CAP2: variants seen among roughly 807,000 people sequenced by gnomAD.
CAP2 encodes adenylyl cyclase-associated protein 2.
A neutral mutation model predicts 57.7 loss-of-function variants in CAP2; 24 were observed. The observed-to-expected ratio is 0.42, with a 90% CI of 0.30 to 0.58. CAP2 has a LOEUF of 0.58. Among genes scored for constraint, CAP2 ranks in the 20% least tolerant of loss-of-function variants. The probability of loss-of-function intolerance (pLI) is 0.22; values close to 1 mark genes in which losing one functional copy is unlikely to be tolerated. For synonymous variants in CAP2, 194 were observed against 207.2 expected, an observed-to-expected ratio of 0.94 and a Z score of 0.55; for missense variants, 501 against 590.3, an observed-to-expected ratio of 0.85 and a Z score of 1.57.
intron 1 of CAP2, among the ~76,000 whole-genome samples, chr6:17,411,514 G>A (rs1264423428): frequency 6.6e-6 from 1 of 152,206 alleles, no homozygotes; most frequent in Non-Finnish European, 1.5e-5. Context: ...TCTGATTGGA[G>A]TCTTGATTTG....
chr6:17,437,946 G>A (rs746655899), intron 3 of CAP2, among the ~76,000 whole-genome samples: 66 of 152,310 alleles, frequency 4.3e-4, no homozygotes, highest in Admixed American at 1.8e-3. Context: ...GTCCATAGGC[G>A]GGAGCAAGAA....
intron 1 of CAP2, among the ~76,000 whole-genome samples, chr6:17,394,249 C>G (rs1758615992): frequency 6.6e-6 from 1 of 152,084 alleles, no homozygotes; most frequent in Non-Finnish European, 1.5e-5. Flanking sequence ...CTGGCTTCCC[C>G]TCTGCAGAAC....
At chr6:17,469,422 G>A (rs1292835134) in intron 4 of CAP2, among the ~76,000 whole-genome samples, 1 of 151,830 alleles carries the variant, frequency 6.6e-6, no homozygotes, top group African/African-American at 2.4e-5. Flanking sequence ...GTGTCTGTGT[G>A]TGTGTGTGTG....
chr6:17,545,704 A>G (rs1245329756), intron 11 of CAP2, among the ~76,000 whole-genome samples: 2 of 151,814 alleles, frequency 1.3e-5, no homozygotes, highest in Middle Eastern at 3.2e-3. Flanking sequence ...CCCTCCCCCA[A>G]CCTCACAACA....
intron 4 of CAP2, among the ~76,000 whole-genome samples, chr6:17,492,958 A>G (rs1021216575): frequency 6.6e-6 from 1 of 152,230 alleles, no homozygotes; most frequent in South Asian, 2.1e-4. Context: ...ACAAGAAAAC[A>G]TGAGGTCAGA....
intron 3 of CAP2, among the ~76,000 whole-genome samples, chr6:17,455,904 C>T (rs1327897599): frequency 6.6e-6 from 1 of 152,176 alleles, no homozygotes; most frequent in Non-Finnish European, 1.5e-5. Flanking sequence ...CTGTGCCCCT[C>T]GGTTGAATTC....
At chr6:17,477,148 A>G (rs576124610) in intron 4 of CAP2, among the ~76,000 whole-genome samples, 2 of 152,194 alleles carry the variant, frequency 1.3e-5, no homozygotes, top group East Asian at 3.9e-4. Flanking sequence ...TGCTGGGATT[A>G]CAGGCGTGAG....
intron 7 of CAP2, among the ~76,000 whole-genome samples, chr6:17,530,109 C>G (rs990430601): frequency 3.3e-5 from 5 of 152,144 alleles, no homozygotes; most frequent in Non-Finnish European, 7.3e-5. Context: ...GACAGGGTCT[C>G]TGTCTCCCAG....
intron 7 of CAP2, among the ~76,000 whole-genome samples, chr6:17,518,882 C>T (rs943533184): frequency 6.6e-5 from 10 of 152,034 alleles, no homozygotes; most frequent in African/African-American, 9.7e-5. Flanking sequence ...AAGGAATTTG[C>T]CCACCTCGGC....
At position 17,543,239 on chromosome 6, in the gene CAP2, C is replaced by T. The variant is rs1762951075; in HGVS notation, c.1209+96C>T. On this transcript the variant is annotated intron_variant, in intron 11 of 12. Coordinates refer to ENST00000229922, the MANE Select transcript of CAP2 (RefSeq NM_006366.3). ...TTTCCAACCACGCTGTAGTAAGCAG[C>T]CTTTCCAACCACGCTGTAATAAGCA... The T allele has an allele frequency of 7.1e-6, 7 of 989,094 alleles. No homozygotes were observed. The Admixed American group carries it at 1.3e-4, about 18-fold the overall frequency. The allele number at this position is 989,094 out of a possible 1,614,324, so 61.3% of individuals were successfully genotyped here.
intron 12 of CAP2, among the ~76,000 whole-genome samples, 169 bp downstream of exon 12, chr6:17,551,773 T>G (rs1763177008): frequency 6.6e-6 from 1 of 152,204 alleles, no homozygotes; most frequent in African/African-American, 2.4e-5. Flanking sequence ...GCCTATTAGC[T>G]TCTTGACTGT....
At chr6:17,448,366 T>C (rs529004248) in intron 3 of CAP2, among the ~76,000 whole-genome samples, 1 of 152,342 alleles carries the variant, frequency 6.6e-6, no homozygotes, top group South Asian at 2.1e-4. Context: ...AGTTAGAGAA[T>C]TTGGAGAGGA....
At chr6:17,517,556 C>G (rs1762298662) in intron 7 of CAP2, among the ~76,000 whole-genome samples, 2 of 152,012 alleles carry the variant, frequency 1.3e-5, no homozygotes, top group Admixed American at 6.6e-5. Flanking sequence ...GGCTGAGACC[C>G]AATAAATTGA....
rs531110658 is a variant in CAP2, at chr6:17,434,211, C to CT, written c.222+7530dup. Among the ~76,000 whole-genome samples, 514 of 149,584 alleles carry CT rather than the reference C, an allele frequency of 3.4e-3. 1 individual carries two copies. The highest frequency in any genetic ancestry group is 6.0e-3 in the Non-Finnish European group (402 of 67,540). ...CTTTTTTAGTAATTTAATTTCTTTT[C>CT]TTTTTTTTTCTCTTTTTTTCTTTCT... is the stretch of plus-strand genomic sequence containing the variant. On this transcript the variant is annotated intron_variant, in intron 3 of 12. Transcript: ENST00000229922.
intron 3 of CAP2, among the ~76,000 whole-genome samples, chr6:17,455,612 T>C (rs1483639168): frequency 6.6e-6 from 1 of 151,922 alleles, no homozygotes; most frequent in Non-Finnish European, 1.5e-5. Context: ...CTCAGCTCAC[T>C]GCACTCTCCG....
intron 7 of CAP2, among the ~76,000 whole-genome samples, chr6:17,525,389 G>A (rs761170311): frequency 6.6e-6 from 1 of 151,682 alleles, no homozygotes; most frequent in Non-Finnish European, 1.5e-5. Context: ...TTGAACCTGT[G>A]AGGCGGAGGC....
intron 3 of CAP2, among the ~76,000 whole-genome samples, chr6:17,458,565 T>C (rs1753498176): frequency 6.6e-6 from 1 of 152,176 alleles, no homozygotes; most frequent in South Asian, 2.1e-4. Context: ...TAATACGAAG[T>C]GGTTTGACAA....
chr6:17,512,086 T>A (rs994656104), intron 6 of CAP2, among the ~76,000 whole-genome samples: 2 of 152,122 alleles, frequency 1.3e-5, no homozygotes, highest in African/African-American at 4.8e-5. Flanking sequence ...CACTGTTAAA[T>A]TTTTTAATGG....
At chr6:17,422,018 G>A (rs936860594) in intron 2 of CAP2, among the ~76,000 whole-genome samples, 3 of 152,214 alleles carry the variant, frequency 2.0e-5, no homozygotes, top group African/African-American at 7.2e-5. Context: ...GAAGTGCTGG[G>A]ATTACAGGTG....
Sources: allele counts gnomAD v4.1 joint callset (sites outside exome capture counted in the v4.1 genomes callset), GRCh38; gene constraint gnomAD v4.1.1; transcripts MANE v1.5; gene names NCBI Gene and HGNC (gene_info 2026-07-23, HGNC 2026-07-21).